WWOX: variants seen among roughly 807,000 people sequenced by gnomAD.
WWOX encodes the protein WW domain containing oxidoreductase, also known as WW domain-containing oxidoreductase.
Under a neutral mutation model 46.2 loss-of-function variants are expected in WWOX, and 69 were observed. The observed-to-expected ratio is 1.49, with a 90% CI of 1.23 to 1.82. WWOX has a LOEUF of 1.82. WWOX is among the 40% of genes most tolerant of loss of function. WWOX has a pLI of 0.00. For synonymous variants in WWOX, 359 were observed against 202.6 expected (o/e 1.77, Z -6.56); for missense variants, 919 against 542.6 (o/e 1.69, Z -6.89).
intron 5 of WWOX, among the ~76,000 whole-genome samples, chr16:78,166,104 T>C (rs2034961752): frequency 6.6e-6 from 1 of 152,172 alleles, no homozygotes; most frequent in South Asian, 2.1e-4. Flanking sequence ...ATAAACATTA[T>C]GTATTCTTCC....
intron 1 of WWOX, among the ~76,000 whole-genome samples, chr16:78,103,659 A>G (rs1181814404): frequency 4.0e-5 from 6 of 151,752 alleles, no homozygotes; most frequent in South Asian, 2.1e-4. Context: ...ACCCCTTTTC[A>G]TTCCTGACTC....
In WWOX at chr16:78,850,650, C is replaced by T. The variant is rs185029130; in HGVS notation, c.1057-360958C>T. On this transcript the variant is annotated intron_variant, in intron 8 of 8. Transcript: ENST00000566780. ...CCATCCTTGTTCACCATTGTTGAAG[C>T]TTTATGTAATGACGAGCCTCATCCA... Among the ~76,000 whole-genome samples, 15 of 152,264 alleles carry T rather than the reference C, an allele frequency of 9.9e-5. No individual in the cohort carries two copies. The East Asian group carries it at 2.7e-3, about 28-fold the overall frequency.
intron 8 of WWOX, among the ~76,000 whole-genome samples, chr16:79,020,746 A>C (rs1001948615): frequency 6.6e-6 from 1 of 152,192 alleles, no homozygotes; most frequent in Non-Finnish European, 1.5e-5. Flanking sequence ...GTTGATGTCA[A>C]CACGCATGCA....
intron 5 of WWOX, among the ~76,000 whole-genome samples, chr16:78,197,990 A>G (rs547243423): frequency 1.3e-5 from 2 of 151,568 alleles, no homozygotes; most frequent in Admixed American, 6.6e-5. Flanking sequence ...TTTTACAGCA[A>G]ATTTGTAGTT....
At chr16:79,151,727 C>A (rs1303657848) in intron 8 of WWOX, among the ~76,000 whole-genome samples, 5 of 152,142 alleles carry the variant, frequency 3.3e-5, no homozygotes, top group Non-Finnish European at 7.3e-5. Flanking sequence ...AGTCTCCGAA[C>A]GGCCTGCCAG....
intron 5 of WWOX, among the ~76,000 whole-genome samples, chr16:78,364,036 G>T (rs962760488): frequency 1.3e-5 from 2 of 152,132 alleles, no homozygotes; most frequent in East Asian, 3.9e-4. Context: ...TCTTGGCCCC[G>T]TGCCACATCC....
At chr16:78,425,267 T>C (rs1299563910) in intron 7 of WWOX, among the ~76,000 whole-genome samples, 1 of 152,166 alleles carries the variant, frequency 6.6e-6, no homozygotes, top group Non-Finnish European at 1.5e-5. Flanking sequence ...AGGAAGATTG[T>C]TTTTACGACT....
In WWOX at chr16:79,023,517, T is replaced by C. The variant is rs185615858; in HGVS notation, c.1057-188091T>C. ...TACTGGCCAGGAGACTAGGCATTCATAGTGGGGCGTCCTTTAAGGTCTGAA... is the reference window on the plus strand; with the variant it reads ...TACTGGCCAGGAGACTAGGCATTCACAGTGGGGCGTCCTTTAAGGTCTGAA... On this transcript the variant is annotated intron_variant, in intron 8 of 8. Coordinates refer to ENST00000566780, the MANE Select transcript of WWOX (RefSeq NM_016373.4). Among the ~76,000 whole-genome samples, 4 of 152,304 alleles carry C rather than the reference T, an allele frequency of 2.6e-5. No homozygotes were observed. In the East Asian group the frequency reaches 7.7e-4, roughly 29 times the overall value.
intron 8 of WWOX, among the ~76,000 whole-genome samples, chr16:78,764,846 G>C (rs1267140705): frequency 6.6e-6 from 1 of 151,924 alleles, no homozygotes; most frequent in Non-Finnish European, 1.5e-5. Context: ...CATAGCAAAG[G>C]TTTGTTGAGT....
chr16:78,502,505 A>C (rs1343274708), intron 8 of WWOX, among the ~76,000 whole-genome samples: 1 of 152,220 alleles, frequency 6.6e-6, no homozygotes, highest in Non-Finnish European at 1.5e-5. Flanking sequence ...CTGCGACAGC[A>C]TCTACCAGTT....
chr16:78,306,102 T>C (rs2080129468), intron 5 of WWOX, among the ~76,000 whole-genome samples: 1 of 152,174 alleles, frequency 6.6e-6, no homozygotes, highest in African/African-American at 2.4e-5. Flanking sequence ...TCTCGCTGCC[T>C]GTCTTCCAAA....
At chr16:79,042,562 G>T (rs2047991888) in intron 8 of WWOX, among the ~76,000 whole-genome samples, 1 of 152,108 alleles carries the variant, frequency 6.6e-6, no homozygotes, top group South Asian at 2.1e-4. Context: ...TATTATTAGT[G>T]ATTATTAGGG....
chr16:78,978,073 C>G (rs1312907875), intron 8 of WWOX, among the ~76,000 whole-genome samples: 1 of 152,202 alleles, frequency 6.6e-6, no homozygotes, highest in Non-Finnish European at 1.5e-5. Flanking sequence ...TACCTTCTGT[C>G]TCAGTAGGTT....
chr16:78,462,963 T>TG (rs2083987708), intron 8 of WWOX, among the ~76,000 whole-genome samples: 1 of 152,190 alleles, frequency 6.6e-6, no homozygotes, highest in Admixed American at 6.5e-5. Flanking sequence ...GGGAGGACTG[T>TG]GATTTTGTAA....
At chr16:78,782,573 C>G (rs999639171) in intron 8 of WWOX, among the ~76,000 whole-genome samples, 1 of 152,150 alleles carries the variant, frequency 6.6e-6, no homozygotes, top group African/African-American at 2.4e-5. Flanking sequence ...CTTCCGTCCA[C>G]CAGCCAAAGA....
Position 78,836,304 on chromosome 16 carries a change from C to T in WWOX, c.1057-375304C>T, listed in dbSNP as rs577269176. On this transcript the variant is annotated intron_variant, in intron 8 of 8. Coordinates refer to ENST00000566780, the MANE Select transcript of WWOX (RefSeq NM_016373.4). Reference sequence around the variant, plus strand: ...CCTAGGGAGGGACAACTGGCAGGGCCACACAAGGAGGTAAAACCTTATGCT... The same window carrying T: ...CCTAGGGAGGGACAACTGGCAGGGCTACACAAGGAGGTAAAACCTTATGCT... 7.9e-5 allele frequency among the ~76,000 whole-genome samples: 12 copies of T among 152,198 alleles called. No homozygotes were observed. In the South Asian group the frequency reaches 2.1e-3, roughly 26 times the overall value.
At chr16:78,940,157 A>T (rs1449535759) in intron 8 of WWOX, among the ~76,000 whole-genome samples, 2 of 152,184 alleles carry the variant, frequency 1.3e-5, no homozygotes, top group East Asian at 3.9e-4. Context: ...TACTTTAGGC[A>T]AATGTATGCA....
chr16:78,202,460 A>G (rs1272556274), intron 5 of WWOX, among the ~76,000 whole-genome samples: 1 of 152,172 alleles, frequency 6.6e-6, no homozygotes, highest in African/African-American at 2.4e-5. Flanking sequence ...TAAGTTGGTC[A>G]CCTTTTCAAG....
At chr16:78,695,228 A>G (rs1029407655) in intron 8 of WWOX, among the ~76,000 whole-genome samples, 4 of 151,786 alleles carry the variant, frequency 2.6e-5, no homozygotes, top group East Asian at 3.9e-4. Context: ...TTATTATTCT[A>G]TTATTATTAT....
Sources: allele counts gnomAD v4.1 joint callset (sites outside exome capture counted in the v4.1 genomes callset), GRCh38; gene constraint gnomAD v4.1.1; transcripts MANE v1.5; gene names NCBI Gene and HGNC (gene_info 2026-07-23, HGNC 2026-07-21).